The following KCNH7 variants were observed in gnomAD, a reference collection of about 807,000 sequenced individuals.
The protein encoded by KCNH7 is potassium voltage-gated channel subfamily H member 7, also known as voltage-gated inwardly rectifying potassium channel KCNH7.
Under a neutral mutation model 120.8 loss-of-function variants are expected in KCNH7, and 49 were observed. The ratio of observed to expected loss-of-function variants is 0.41; its 90% CI spans 0.32 to 0.51. KCNH7 has a LOEUF of 0.51. Among genes scored for constraint, KCNH7 ranks in the 20% least tolerant of loss-of-function variants. The pLI is 0.38. For missense variants in KCNH7, 1,097 were observed against 1,446.6 expected (o/e 0.76, Z 3.92); for synonymous variants, 547 against 516.1 (o/e 1.06, Z -0.81).
At chr2:162,480,555 T>C (rs1689897662) in intron 6 of KCNH7, among the ~76,000 whole-genome samples, 1 of 152,212 alleles carries the variant, frequency 6.6e-6, no homozygotes, top group African/African-American at 2.4e-5. Flanking sequence ...AAGATGCAAA[T>C]ATATCCCAGT....
chr2:162,784,580 T>C (rs1055787572), intron 2 of KCNH7: 5 of 152,278 alleles, frequency 3.3e-5, no homozygotes, highest in African/African-American at 9.6e-5. Flanking sequence ...TTCTTTTTTT[T>C]CCCTAATTTC....
chr2:162,410,117 G>T lies in KCNH7; in HGVS notation c.2155-9676C>A, dbSNP rs79501119. Among the ~76,000 whole-genome samples the T allele has an allele frequency of 6.8e-3, 1,040 of 152,066 alleles. 8 individuals carry two copies. Among genetic ancestry groups the T allele is most frequent in the African/African-American group, 0.024 (1,001 of 41,524 alleles). On this transcript the variant is annotated intron_variant, in intron 9 of 15. Coordinates refer to ENST00000332142, the MANE Select transcript of KCNH7 (RefSeq NM_033272.4). The stretch of plus-strand genomic sequence containing the variant: ...ATGAAACCAGAAATACTCCTGAATT[G>T]CCAAAGGAATTCGAGGCAAAAAGAA...
intron 2 of KCNH7, among the ~76,000 whole-genome samples, chr2:162,814,292 T>G (rs1684837917): frequency 6.6e-6 from 1 of 152,222 alleles, no homozygotes; most frequent in Admixed American, 6.5e-5. Context: ...TTCTAATTCC[T>G]TATCATCTTA....
intron 2 of KCNH7, among the ~76,000 whole-genome samples, chr2:162,658,283 G>C (rs533957801): frequency 6.6e-6 from 1 of 151,886 alleles, no homozygotes; most frequent in South Asian, 2.1e-4. Flanking sequence ...TTGCTCCTTT[G>C]TTAAAGGATA....
chr2:162,802,922 G>C (rs1684401506), intron 2 of KCNH7, among the ~76,000 whole-genome samples: 1 of 151,530 alleles, frequency 6.6e-6, no homozygotes, highest in Non-Finnish European at 1.5e-5. Context: ...TAAAAATTCA[G>C]CTTCTCAGTG....
chr2:162,758,626 T>G (rs902955385), intron 2 of KCNH7, among the ~76,000 whole-genome samples: 2 of 152,120 alleles, frequency 1.3e-5, no homozygotes, highest in African/African-American at 4.8e-5. Flanking sequence ...CATATTTGTA[T>G]ATACCCATAG....
At chr2:162,500,703 G>C (rs1027856670) in intron 6 of KCNH7, among the ~76,000 whole-genome samples, 2 of 151,882 alleles carry the variant, frequency 1.3e-5, no homozygotes, top group African/African-American at 4.8e-5. Flanking sequence ...TTTGAAGAAA[G>C]AAATATCATA....
chr2:162,524,237 G>A (rs1213704618), intron 3 of KCNH7, among the ~76,000 whole-genome samples: 1 of 152,020 alleles, frequency 6.6e-6, no homozygotes. Flanking sequence ...TCAAATGCAG[G>A]GATAGCCCCT....
chr2:162,475,116 T>C (rs1689691022), intron 6 of KCNH7, among the ~76,000 whole-genome samples: 1 of 152,194 alleles, frequency 6.6e-6, no homozygotes, highest in South Asian at 2.1e-4. Context: ...CACTGAACAA[T>C]AGATCACTAA....
rs576912568 is a variant in KCNH7, at chr2:162,666,809, A to C, written c.308-129729T>G. 8.5e-5 allele frequency among the ~76,000 whole-genome samples: 13 copies of C among 152,084 alleles called. No homozygotes were observed. In the East Asian group the frequency reaches 1.5e-3, roughly 18 times the overall value. On this transcript the variant is annotated intron_variant, in intron 2 of 15. Coordinates refer to ENST00000332142, the MANE Select transcript of KCNH7 (RefSeq NM_033272.4). Reference sequence around the variant, plus strand: ...GACATCTCTGCCAGTGTTCTTGGAGATTTCCACTGTCCATCCCAAGCCTGG... The same window carrying C: ...GACATCTCTGCCAGTGTTCTTGGAGCTTTCCACTGTCCATCCCAAGCCTGG...
intron 2 of KCNH7, among the ~76,000 whole-genome samples, chr2:162,637,272 C>T (rs1463362071): frequency 6.6e-6 from 1 of 151,972 alleles, no homozygotes; most frequent in Admixed American, 6.6e-5. Context: ...TTCTTCTTTC[C>T]TTTGCCAGGG....
At chr2:162,546,751 A>C (rs1043294605) in intron 2 of KCNH7, among the ~76,000 whole-genome samples, 4 of 152,194 alleles carry the variant, frequency 2.6e-5, no homozygotes, top group Non-Finnish European at 4.4e-5. Context: ...ATTGTAGATT[A>C]ATAAAATTTA....
At chr2:162,631,102 G>T (rs921126820) in intron 2 of KCNH7, among the ~76,000 whole-genome samples, 8 of 152,102 alleles carry the variant, frequency 5.3e-5, no homozygotes, top group Admixed American at 5.2e-4. Context: ...AGAACACCAG[G>T]CTTGCAAGCT....
chr2:162,416,848 C>T (rs1383234894), intron 9 of KCNH7, among the ~76,000 whole-genome samples: 1 of 151,970 alleles, frequency 6.6e-6, no homozygotes, highest in East Asian at 1.9e-4. Context: ...ATAATAGGAC[C>T]CCAAGATGCA....
intron 2 of KCNH7, among the ~76,000 whole-genome samples, chr2:162,650,745 G>A (rs1000000202): frequency 2.6e-5 from 4 of 152,092 alleles, no homozygotes; most frequent in East Asian, 1.9e-4. Context: ...CCTACTAGAC[G>A]TTCAGCTCTA....
chr2:162,540,013 C>G (rs1431420779), intron 2 of KCNH7, among the ~76,000 whole-genome samples: 1 of 152,000 alleles, frequency 6.6e-6, no homozygotes, highest in Non-Finnish European at 1.5e-5. Context: ...CTCTGTGCTC[C>G]TAAGTATTTC....
In KCNH7 at chr2:162,409,706, T is replaced by G. The variant is rs113314068; in HGVS notation, c.2155-9265A>C. On this transcript the variant is annotated intron_variant, in intron 9 of 15. Transcript: ENST00000332142. ...GCTATACACTCCAACAGAATACTTC[T>G]AGGTTTAATAAACAGATATGGTAAA... Among the ~76,000 whole-genome samples, 412 of 152,098 alleles carry G rather than the reference T, an allele frequency of 2.7e-3. 2 individuals carry two copies. The highest frequency in any genetic ancestry group is 9.5e-3 in the African/African-American group (394 of 41,560).
chr2:162,827,406 A>G (rs920596284), intron 2 of KCNH7, among the ~76,000 whole-genome samples: 1 of 152,140 alleles, frequency 6.6e-6, no homozygotes, highest in Non-Finnish European at 1.5e-5. Context: ...AATCTAAGTC[A>G]GTCATACAAT....
rs1005927762 is a variant in KCNH7, at chr2:162,572,832, G to A, written c.308-35752C>T. On this transcript the variant is annotated intron_variant, in intron 2 of 15. Transcript: ENST00000332142. The stretch of plus-strand genomic sequence containing the variant: ...AAACACCGCATATTCTCACTCATAG[G>A]TGGGAATTGAACACTGAGAACACAT... 6.6e-5 allele frequency among the ~76,000 whole-genome samples: 10 copies of A among 151,148 alleles called. No homozygotes were observed. In the East Asian group the frequency reaches 1.6e-3, roughly 24 times the overall value.
Sources: allele counts gnomAD v4.1 joint callset (sites outside exome capture counted in the v4.1 genomes callset), GRCh38; gene constraint gnomAD v4.1.1; transcripts MANE v1.5; gene names NCBI Gene and HGNC (gene_info 2026-07-23, HGNC 2026-07-21).